MAGI1: variants seen among roughly 807,000 people sequenced by gnomAD.
MAGI1 encodes membrane associated guanylate kinase, WW and PDZ domain containing 1, also known as membrane-associated guanylate kinase, WW and PDZ domain-containing protein 1.
In MAGI1, 58 loss-of-function variants were observed where a neutral mutation model predicts 139.9. That is an observed-to-expected ratio of 0.41 (90% CI 0.34 to 0.52). The LOEUF (loss-of-function observed/expected upper bound fraction) is 0.52, where lower values mean the gene tolerates loss of function less well. Among genes scored for constraint, MAGI1 ranks in the 20% least tolerant of loss-of-function variants. MAGI1 has a pLI of 0.12. For missense variants in MAGI1, 1,874 were observed against 1,901.6 expected (o/e 0.99, Z 0.27); for synonymous variants, 812 against 737.9 (o/e 1.10, Z -1.63).
chr3:65,459,928 G>GA (rs992319688), intron 5 of MAGI1, among the ~76,000 whole-genome samples: 3 of 151,142 alleles, frequency 2.0e-5, no homozygotes, highest in South Asian at 2.1e-4. Flanking sequence ...CCTGTCTCAA[G>GA]AAAAAAAAGA....
chr3:65,900,502 T>C (rs894180453), intron 1 of MAGI1, among the ~76,000 whole-genome samples: 4 of 152,216 alleles, frequency 2.6e-5, no homozygotes, highest in Non-Finnish European at 4.4e-5. Context: ...AATCATAATA[T>C]ACTAGTACAG....
intron 1 of MAGI1, among the ~76,000 whole-genome samples, chr3:65,726,323 C>G (rs2033603385): frequency 1.3e-5 from 2 of 152,064 alleles, no homozygotes; most frequent in Non-Finnish European, 2.9e-5. Flanking sequence ...AAATGGAAGT[C>G]TAGGAGAATA....
intron 12 of MAGI1, among the ~76,000 whole-genome samples, chr3:65,418,245 G>A (rs1156420192): frequency 6.6e-6 from 1 of 152,102 alleles, no homozygotes; most frequent in East Asian, 1.9e-4. Flanking sequence ...ACATATTACT[G>A]ACGGTAAAGC....
intron 14 of MAGI1, among the ~76,000 whole-genome samples, chr3:65,390,940 T>A (rs1191363550): frequency 6.6e-6 from 1 of 152,196 alleles, no homozygotes; most frequent in Non-Finnish European, 1.5e-5. Flanking sequence ...CATCCACTTC[T>A]ACCCCCTCCC....
At chr3:65,495,707 G>A (rs1325699433) in intron 2 of MAGI1, among the ~76,000 whole-genome samples, 1 of 152,170 alleles carries the variant, frequency 6.6e-6, no homozygotes, top group East Asian at 1.9e-4. Flanking sequence ...TAGGTTAAAG[G>A]TTTAGACAGT....
At chr3:65,841,335 C>T (rs553842767) in intron 1 of MAGI1, among the ~76,000 whole-genome samples, 3 of 151,766 alleles carry the variant, frequency 2.0e-5, no homozygotes, top group Admixed American at 6.6e-5. Flanking sequence ...TTTTGCTCCT[C>T]GTCTTCTAGT....
At chr3:65,864,517 G>A (rs758204881) in intron 1 of MAGI1, among the ~76,000 whole-genome samples, 4 of 152,362 alleles carry the variant, frequency 2.6e-5, no homozygotes, top group South Asian at 2.1e-4. Flanking sequence ...TCAGCGAGAC[G>A]GCAGACTCCA....
chr3:65,558,561 G>A (rs749603159), intron 2 of MAGI1, among the ~76,000 whole-genome samples: 1 of 152,026 alleles, frequency 6.6e-6, no homozygotes, highest in Non-Finnish European at 1.5e-5. Flanking sequence ...TCTCTCATTC[G>A]TTTCCTCAAA....
In MAGI1 at chr3:65,539,262, AACAG is replaced by A. The variant is rs551025871; in HGVS notation, c.431-45635_431-45632del. Among the ~76,000 whole-genome samples, 299 of 152,312 alleles carry A rather than the reference AACAG, an allele frequency of 2.0e-3. 2 individuals are homozygous for A. Among genetic ancestry groups the A allele is most frequent in the African/African-American group, 7.0e-3 (289 of 41,566 alleles). ...CAGAAACATGCACCAAGTACCAACA[AACAG>A]ACATACATACCAACTACCATCAAAC... On this transcript the variant is annotated intron_variant, in intron 2 of 22. Coordinates refer to ENST00000402939, the MANE Select transcript of MAGI1 (RefSeq NM_001033057.2).
chr3:65,932,712 G>A lies in MAGI1; in HGVS notation c.313+105284C>T, dbSNP rs1030540357. On this transcript the variant is annotated intron_variant, in intron 1 of 22. Transcript: ENST00000402939. ...CAAAGGGGCTTCCAAATTCCACCTC[G>A]TAGATGGAAAATCAGAGAAAGCCCA... is the stretch of plus-strand genomic sequence containing the variant. 3.9e-5 allele frequency among the ~76,000 whole-genome samples: 6 copies of A among 151,936 alleles called. No homozygotes were observed. The South Asian group carries it at 8.3e-4, about 21-fold the overall frequency.
At chr3:65,914,643 C>G (rs2061816105) in intron 1 of MAGI1, among the ~76,000 whole-genome samples, 1 of 152,166 alleles carries the variant, frequency 6.6e-6, no homozygotes, top group Admixed American at 6.5e-5. Context: ...AGGCCACCAT[C>G]CTTAAGAGGA....
chr3:65,367,717 T>TA (rs1941569662), intron 18 of MAGI1, among the ~76,000 whole-genome samples: 1 of 152,334 alleles, frequency 6.6e-6, no homozygotes, highest in South Asian at 2.1e-4. Flanking sequence ...CAGGTGGAGA[T>TA]ACTGGGAATT....
At chr3:65,877,830 A>T (rs544201374) in intron 1 of MAGI1, among the ~76,000 whole-genome samples, 27 of 152,178 alleles carry the variant, frequency 1.8e-4, no homozygotes, top group Non-Finnish European at 3.7e-4. Flanking sequence ...ACATGGGGCC[A>T]GGCATGTGGC....
chr3:65,596,172 G>C (rs1403245784), intron 2 of MAGI1, among the ~76,000 whole-genome samples: 1 of 152,112 alleles, frequency 6.6e-6, no homozygotes, highest in Non-Finnish European at 1.5e-5. Context: ...GATGATAAAA[G>C]ACAAGCTTTT....
chr3:65,619,343 C>T (rs2083548206), intron 2 of MAGI1, among the ~76,000 whole-genome samples: 1 of 152,156 alleles, frequency 6.6e-6, no homozygotes, highest in Non-Finnish European at 1.5e-5. Context: ...CTATGATGCA[C>T]ATACAGCTCC....
chr3:65,807,468 A>T (rs1431982525), intron 1 of MAGI1, among the ~76,000 whole-genome samples: 1 of 152,172 alleles, frequency 6.6e-6, no homozygotes, highest in African/African-American at 2.4e-5. Context: ...ACACTATCAC[A>T]TTGGCAATTA....
At chr3:65,685,357 A>T (rs1245998807) in intron 1 of MAGI1, among the ~76,000 whole-genome samples, 3 of 151,418 alleles carry the variant, frequency 2.0e-5, no homozygotes, top group South Asian at 4.2e-4. Flanking sequence ...AATACTTGTC[A>T]TTTCTGGGTG....
At chr3:65,671,950 A>G (rs2086888810) in intron 1 of MAGI1, among the ~76,000 whole-genome samples, 1 of 152,222 alleles carries the variant, frequency 6.6e-6, no homozygotes, top group Non-Finnish European at 1.5e-5. Context: ...TCAGTTCACC[A>G]TAGATACAAA....
chr3:65,530,098 A>G (rs1036941906), intron 2 of MAGI1, among the ~76,000 whole-genome samples: 7 of 152,192 alleles, frequency 4.6e-5, no homozygotes, highest in African/African-American at 1.7e-4. Flanking sequence ...TGAATGAAGC[A>G]ATACCTTGCA....
Sources: gnomAD v4.1 joint callset for allele counts (sites outside exome capture counted in the v4.1 genomes callset) on GRCh38, gnomAD v4.1.1 for gene constraint, MANE v1.5 for transcripts, NCBI Gene and HGNC (gene_info 2026-07-23, HGNC 2026-07-21) for gene names.